WWOX: variants seen among roughly 807,000 people sequenced by gnomAD.
The protein encoded by WWOX is WW domain containing oxidoreductase.
In WWOX, 69 loss-of-function variants were observed where a neutral mutation model predicts 46.2. The observed-to-expected ratio is 1.49, with a 90% CI of 1.23 to 1.82. The LOEUF is 1.82. WWOX is among the 40% of genes most tolerant of loss of function. WWOX has a pLI of 0.00. For missense variants in WWOX, 919 were observed against 542.6 expected (o/e 1.69, Z -6.89); for synonymous variants, 359 against 202.6 (o/e 1.77, Z -6.56).
At chr16:78,426,319 A>T (rs2083076587) in intron 7 of WWOX, among the ~76,000 whole-genome samples, 1 of 152,164 alleles carries the variant, frequency 6.6e-6, no homozygotes, top group South Asian at 2.1e-4. Context: ...CATCCACCAG[A>T]TGTGGAGGGC....
intron 8 of WWOX, among the ~76,000 whole-genome samples, chr16:78,517,205 G>A (rs1163489853): frequency 6.6e-6 from 1 of 152,124 alleles, no homozygotes; most frequent in East Asian, 1.9e-4. Flanking sequence ...ACATATCAAG[G>A]AGCTTATCAT....
intron 8 of WWOX, among the ~76,000 whole-genome samples, chr16:79,019,294 G>A (rs1243374950): frequency 6.6e-6 from 1 of 151,166 alleles, no homozygotes; most frequent in Non-Finnish European, 1.5e-5. Flanking sequence ...GGAACATCAT[G>A]GAGTGCACGT....
chr16:79,008,799 C>T (rs997072824), intron 8 of WWOX, among the ~76,000 whole-genome samples: 3 of 152,206 alleles, frequency 2.0e-5, no homozygotes, highest in Admixed American at 1.3e-4. Context: ...CCTTGTCTTC[C>T]AGCCCCACAA....
chr16:78,856,402 G>C (rs2052567684), intron 8 of WWOX, among the ~76,000 whole-genome samples: 1 of 152,182 alleles, frequency 6.6e-6, no homozygotes, highest in Admixed American at 6.5e-5. Flanking sequence ...CAGCACTTTG[G>C]TTGGCTGAGG....
At chr16:78,791,451 G>A (rs1451463083) in intron 8 of WWOX, among the ~76,000 whole-genome samples, 2 of 152,126 alleles carry the variant, frequency 1.3e-5, no homozygotes, top group Non-Finnish European at 2.9e-5. Flanking sequence ...ACTGTTCCAG[G>A]GCTGGCTGAG....
chr16:79,124,081 C>T (rs1442957193), intron 8 of WWOX, among the ~76,000 whole-genome samples: 1 of 151,712 alleles, frequency 6.6e-6, no homozygotes, highest in African/African-American at 2.4e-5. Context: ...AGCACTCGTG[C>T]TCTGAAAGCC....
intron 5 of WWOX, among the ~76,000 whole-genome samples, chr16:78,380,714 C>T (rs1417139807): frequency 6.6e-6 from 1 of 152,144 alleles, no homozygotes; most frequent in Non-Finnish European, 1.5e-5. Context: ...TGCCTGACTT[C>T]CCGATAGGGC....
chr16:78,944,995 A>G (rs750069558), intron 8 of WWOX, among the ~76,000 whole-genome samples: 1 of 152,290 alleles, frequency 6.6e-6, no homozygotes, highest in East Asian at 1.9e-4. Context: ...CCTGAGCAAC[A>G]TGGTGAAACC....
At chr16:78,789,295 C>A (rs532224460) in intron 8 of WWOX, among the ~76,000 whole-genome samples, 3 of 152,174 alleles carry the variant, frequency 2.0e-5, no homozygotes, top group African/African-American at 7.2e-5. Context: ...TATGTTAAGA[C>A]TTTTGATCCA....
chr16:78,327,803 T>TA (rs2080661848), intron 5 of WWOX, among the ~76,000 whole-genome samples: 1 of 151,932 alleles, frequency 6.6e-6, no homozygotes, highest in East Asian at 1.9e-4. Flanking sequence ...TGCAAAGCTC[T>TA]TAGAGCACCC....
chr16:78,640,226 G>GTTTT (rs34129775), intron 8 of WWOX, among the ~76,000 whole-genome samples: 6 of 65,346 alleles, frequency 9.2e-5, no homozygotes, highest in East Asian at 1.1e-3. Context: ...TTGTTGTTGG[G>GTTTT]TTTTTTTTTT....
chr16:78,907,582 G>C (rs913022117), intron 8 of WWOX, among the ~76,000 whole-genome samples: 7 of 152,196 alleles, frequency 4.6e-5, no homozygotes, highest in Non-Finnish European at 1.0e-4. Flanking sequence ...ACTAAGGGCG[G>C]TCTGAAGGTT....
intron 8 of WWOX, among the ~76,000 whole-genome samples, chr16:78,700,524 G>A (rs9933541): frequency 0.017 from 2,660 of 152,250 alleles, 77 homozygotes; most frequent in African/African-American, 0.06. Flanking sequence ...AACCAACCAC[G>A]TGCACAGAGG....
intron 8 of WWOX, among the ~76,000 whole-genome samples, chr16:78,508,231 G>A (rs2085266000): frequency 6.7e-6 from 1 of 149,580 alleles, no homozygotes; most frequent in African/African-American, 2.5e-5. Context: ...GGCTGGTCTT[G>A]AACTCCTGAT....
intron 4 of WWOX, chr16:78,123,228 A>C (rs909932846): frequency 1.3e-5 from 2 of 152,024 alleles, no homozygotes; most frequent in African/African-American, 2.4e-5. Flanking sequence ...CTTAATAAAA[A>C]GGCCCATTGT....
At chr16:79,034,013 T>C (rs981951075) in intron 8 of WWOX, among the ~76,000 whole-genome samples, 3 of 152,100 alleles carry the variant, frequency 2.0e-5, no homozygotes, top group Admixed American at 1.3e-4. Context: ...CTGGGGAAAG[T>C]AGTTATGTCA....
intron 5 of WWOX, among the ~76,000 whole-genome samples, chr16:78,297,348 T>G (rs887629654): frequency 6.6e-6 from 1 of 152,202 alleles, no homozygotes; most frequent in Non-Finnish European, 1.5e-5. Flanking sequence ...TTTTCCATTT[T>G]CTAGTAATTA....
chr16:78,252,474 A>G (rs1054869960), intron 5 of WWOX, among the ~76,000 whole-genome samples: 1 of 152,222 alleles, frequency 6.6e-6, no homozygotes, highest in African/African-American at 2.4e-5. Flanking sequence ...CACCTGAACA[A>G]AAATCCCTTT....
intron 8 of WWOX, among the ~76,000 whole-genome samples, chr16:78,519,638 T>G (rs1407967974): frequency 2.0e-5 from 3 of 152,050 alleles, no homozygotes; most frequent in African/African-American, 7.2e-5. Context: ...AAGCAGGACC[T>G]TTAGGACATG....
Sources: allele counts gnomAD v4.1 joint callset (sites outside exome capture counted in the v4.1 genomes callset), GRCh38; gene constraint gnomAD v4.1.1; transcripts MANE v1.5; gene names NCBI Gene and HGNC (gene_info 2026-07-23, HGNC 2026-07-21).